Variants in MED13 observed in about 807,000 individuals in gnomAD.
MED13 encodes mediator of RNA polymerase II transcription subunit 13.
Under a neutral mutation model 225.2 loss-of-function variants are expected in MED13, and 23 were observed. That is an observed-to-expected ratio of 0.10 (90% CI 0.07 to 0.14). The LOEUF (loss-of-function observed/expected upper bound fraction) is 0.14, where lower values mean the gene tolerates loss of function less well. Among genes scored for constraint, MED13 ranks in the 10% least tolerant of loss-of-function variants. The pLI, the probability that MED13 is intolerant of heterozygous loss-of-function variation, is 1.00. For synonymous variants in MED13, 942 were observed against 889.2 expected (o/e 1.06, Z -1.06); for missense variants, 2,197 against 2,594.5 (o/e 0.85, Z 3.33).
chr17:61,990,164 T>C (rs560419932), intron 11 of MED13, among the ~76,000 whole-genome samples: 6 of 152,292 alleles, frequency 3.9e-5, no homozygotes, highest in African/African-American at 1.2e-4. Flanking sequence ...TAGTGAATAA[T>C]AACATATTGT....
intron 9 of MED13, chr17:62,003,929 A>G (rs144106098): frequency 6.6e-6 from 1 of 152,300 alleles, no homozygotes; most frequent in African/African-American, 2.4e-5. Flanking sequence ...AAACTGTATT[A>G]ACTTCTAAGA....
At chr17:62,035,648 T>C in intron 3 of MED13, 40 bp from the exon 4 acceptor site, 1 of 1,556,538 alleles carries the variant, frequency 6.4e-7, no homozygotes, top group South Asian at 1.2e-5. Context: ...TGATGACTAG[T>C]GGCCAAAAAT....
In MED13 at chr17:61,966,500, T is replaced by C; in HGVS notation, c.4343A>G (p.Lys1448Arg). The change falls in exon 19 of 30, where the codon AAA (lysine) becomes AGA (arginine). Residue 1448 changes from lysine (K) to arginine (R), a missense_variant. By Grantham distance (26) the Lys-to-Arg change is conservative (BLOSUM62 2). Coordinates refer to ENST00000397786, the MANE Select transcript of MED13 (RefSeq NM_005121.3). Reference protein sequence around the residue: ...AADGNNEAFSKLKLYAQVCRY... With the variant: ...AADGNNEAFSRLKLYAQVCRY... ...GCAGACTTGTGCATAAAGCTTGAGTTTAGAAAATGCTTCATTGTTACCGTC... is the reference window on the plus strand; with the variant it reads ...GCAGACTTGTGCATAAAGCTTGAGTCTAGAAAATGCTTCATTGTTACCGTC... The C allele has an allele frequency of 6.2e-7, 1 of 1,613,738 alleles. No homozygotes were observed. Among genetic ancestry groups the C allele is most frequent in the South Asian group, 1.1e-5 (1 of 91,046 alleles).
At chr17:62,049,502 C>T (rs921262056) in intron 3 of MED13, among the ~76,000 whole-genome samples, 2 of 152,082 alleles carry the variant, frequency 1.3e-5, no homozygotes, top group Admixed American at 6.5e-5. Flanking sequence ...ATGAGCATGG[C>T]TGTGTTACAA....
chr17:62,048,734 G>A (rs1254534389), intron 3 of MED13, among the ~76,000 whole-genome samples: 1 of 152,094 alleles, frequency 6.6e-6, no homozygotes, highest in East Asian at 1.9e-4. Flanking sequence ...TTAAGCAGGT[G>A]ACAGAGCGTA....
intron 8 of MED13, among the ~76,000 whole-genome samples, chr17:62,015,915 C>CACACACATATAT (rs1230248036): frequency 1.2e-4 from 1 of 8,608 alleles, no homozygotes; most frequent in Non-Finnish European, 2.2e-4. Context: ...ACACTATACA[C>CACACACATATAT]ATATATATAT....
chr17:62,047,927 G>A (rs553289377), intron 3 of MED13, among the ~76,000 whole-genome samples: 5 of 151,048 alleles, frequency 3.3e-5, no homozygotes, highest in African/African-American at 7.3e-5. Context: ...AAAGAAAGCC[G>A]GGTGCAGTGG....
chr17:62,029,569 T>G lies in MED13; in HGVS notation c.1255A>C (p.Thr419Pro). 1 of 1,614,168 alleles carries G rather than the reference T, an allele frequency of 6.2e-7. No homozygotes were observed. The highest frequency in any genetic ancestry group is 8.5e-7 in the Non-Finnish European group (1 of 1,180,014). ...KVASWDFVEA[T>P]QRTNCSCLRH... The stretch of plus-strand genomic sequence containing the variant: ...AAACAACTGCAATTTGTTCTTTGTG[T>G]GGCTTCAACAAAATCCCAGGATGCC... The change falls in exon 8 of 30, where the codon ACA becomes CCA. Residue 419 changes from threonine (T) to proline (P), a missense_variant. Physicochemically the swap from Thr to Pro is conservative, Grantham distance 38 (BLOSUM62 -1). Around this residue, in one of 12 missense-constraint regions of MED13, gnomAD observed 884 missense variants for 918.5 expected, o/e 0.96. Transcript: ENST00000397786.
At chr17:61,968,411 C>T (rs1035613676) in intron 17 of MED13, among the ~76,000 whole-genome samples, 153 bp from the exon 18 acceptor site, 2 of 152,112 alleles carry the variant, frequency 1.3e-5, no homozygotes, top group East Asian at 3.9e-4. Flanking sequence ...CTGCAAGCTC[C>T]GCCTCCCGCG....
chr17:61,942,844 G>A lies in MED13; in HGVS notation c.*3624C>T, dbSNP rs985882065. 3 of 152,472 alleles carry A rather than the reference G, an allele frequency of 2.0e-5. No homozygotes were observed. The highest frequency in any genetic ancestry group is 7.2e-5 in the African/African-American group (3 of 41,438). 9.4% of individuals were successfully genotyped at this position (152,472 alleles called of 1,614,324 possible). Reference sequence around the variant, plus strand: ...CAACTTTAAAACGCCCCTTCATAAAGTGACCAAGCTATTTTGAGAGGGTTG... The same window carrying A: ...CAACTTTAAAACGCCCCTTCATAAAATGACCAAGCTATTTTGAGAGGGTTG... On this transcript the variant is annotated 3_prime_UTR_variant, in exon 30 of 30. Transcript: ENST00000397786.
chr17:61,989,636 C>T (rs1286638795), intron 11 of MED13, among the ~76,000 whole-genome samples: 1 of 152,204 alleles, frequency 6.6e-6, no homozygotes, highest in Non-Finnish European at 1.5e-5. Flanking sequence ...CTGCACCTGG[C>T]CTATTTATTG....
chr17:62,037,068 A>G (rs2080809906), intron 3 of MED13: 1 of 152,100 alleles, frequency 6.6e-6, no homozygotes, highest in Non-Finnish European at 1.5e-5. Context: ...CATGGCCAAC[A>G]TGGTGAAACC....
chr17:62,004,085 C>T (rs941422044), intron 9 of MED13: 1 of 152,106 alleles, frequency 6.6e-6, no homozygotes, highest in African/African-American at 2.4e-5. Flanking sequence ...AACTTCATAC[C>T]ACCACATTTT....
At chr17:62,023,555 AC>A (rs1441852652) in intron 8 of MED13, among the ~76,000 whole-genome samples, 1 of 152,070 alleles carries the variant, frequency 6.6e-6, no homozygotes, top group African/African-American at 2.4e-5. Flanking sequence ...CTGGGGAAAG[AC>A]CCTGGCTTCT....
intron 23 of MED13, among the ~76,000 whole-genome samples, chr17:61,959,817 T>C (rs1390471693): frequency 1.3e-5 from 2 of 151,192 alleles, no homozygotes; most frequent in African/African-American, 2.4e-5. Flanking sequence ...CAGCCTCGAC[T>C]TCCTGGGCTC....
Position 61,962,973 on chromosome 17 carries a change from TA to T in MED13, c.4845-3del, listed in dbSNP as rs2080016267. The T allele has an allele frequency of 1.2e-6, 2 of 1,613,682 alleles. No homozygotes were observed. Among genetic ancestry groups the T allele is most frequent in the Non-Finnish European group, 8.5e-7 (1 of 1,179,870 alleles). ...CCCACTTTATCCCGATCCATCGTGC[TA>T]AAATTTAAGGTAGAAATGAGACAAA... On this transcript the variant is annotated splice_polypyrimidine_tract_variant and splice_region_variant and intron_variant, in intron 20 of 29. Coordinates refer to ENST00000397786, the MANE Select transcript of MED13 (RefSeq NM_005121.3).
Position 62,027,399 on chromosome 17 carries a change from C to T in MED13, c.1283+2142G>A, listed in dbSNP as rs73336423. On this transcript the variant is annotated intron_variant, in intron 8 of 29. Coordinates refer to ENST00000397786, the MANE Select transcript of MED13 (RefSeq NM_005121.3). ...CTAGTCATATGCAGATGACTGAAAT[C>T]GGACCCCTTCCTTAATACATAAACA... Among the ~76,000 whole-genome samples the T allele has an allele frequency of 1.8e-3, 272 of 152,202 alleles. 2 individuals carry two copies. Among genetic ancestry groups the T allele is most frequent in the African/African-American group, 6.0e-3 (251 of 41,530 alleles).
At position 61,955,378 on chromosome 17, in the gene MED13, G is replaced by C. The variant is rs535566775; in HGVS notation, c.5968+4C>G. The C allele has an allele frequency of 2.8e-5, 43 of 1,518,568 alleles. No homozygotes were observed. Among genetic ancestry groups the C allele is most frequent in the Non-Finnish European group, 3.6e-5 (41 of 1,135,362 alleles). 94.1% of individuals were successfully genotyped at this position (1,518,568 alleles called of 1,614,324 possible). Reference sequence around the variant, plus strand: ...AGACTACCAAAATGGAACAAATTACGTACCATTGTTGGGATTGAAAGCTAA... The same window carrying C: ...AGACTACCAAAATGGAACAAATTACCTACCATTGTTGGGATTGAAAGCTAA... On this transcript the variant is annotated splice_donor_region_variant and intron_variant, in intron 26 of 29. Transcript: ENST00000397786.
rs2079851969 is a variant in MED13 at position 61,946,395 on chromosome 17, A to G, written c.*73T>C. The stretch of plus-strand genomic sequence containing the variant: ...ACAAATGACCTTCACTGAGAAGATA[A>G]TTGTAACTTAATCCTGCAGCGAAAC... On this transcript the variant is annotated 3_prime_UTR_variant, in exon 30 of 30. Transcript: ENST00000397786. 2.0e-6 allele frequency: 3 copies of G among 1,526,960 alleles called. No homozygotes were observed. The allele number at this position is 1,526,960 out of a possible 1,614,324, so 94.6% of individuals were successfully genotyped here. A position where few individuals can be genotyped will look rare whatever the true frequency, so the allele number is the denominator to read the frequency against.
Sources: gnomAD v4.1 joint callset for allele counts (sites outside exome capture counted in the v4.1 genomes callset) on GRCh38, gnomAD v4.1.1 for gene constraint, gnomAD v4.1.1 regional missense constraint, MANE v1.5 for transcripts, NCBI Gene and HGNC (gene_info 2026-07-23, HGNC 2026-07-21) for gene names.